DHX15: variants seen among roughly 807,000 people sequenced by gnomAD.
DHX15 encodes the protein DEAH-box helicase 15, also known as ATP-dependent RNA helicase DHX15.
DHX15 carries 11 observed loss-of-function variants against 94.4 expected under a neutral mutation model. The observed-to-expected ratio is 0.12, with a 90% confidence interval of 0.07 to 0.19. The LOEUF is 0.19. Among genes scored for constraint, DHX15 ranks in the 10% least tolerant of loss-of-function variants. The pLI is 1.00. For missense variants in DHX15, 304 were observed against 988.5 expected (o/e 0.31, Z 9.29); for synonymous variants, 338 against 329.9 (o/e 1.02, Z -0.27).
intron 6 of DHX15, among the ~76,000 whole-genome samples, chr4:24,547,949 C>A (rs200078187): frequency 0.011 from 983 of 90,688 alleles, 14 homozygotes; most frequent in African/African-American, 0.023. Flanking sequence ...ATATCTATAT[C>A]TATATCTATA....
intron 1 of DHX15, among the ~76,000 whole-genome samples, chr4:24,582,008 T>C (rs1722427052): frequency 6.6e-6 from 1 of 152,142 alleles, no homozygotes; most frequent in Non-Finnish European, 1.5e-5. Context: ...AAACCCTATC[T>C]GGCAGTGGAG....
chr4:24,547,875 C>G (rs1276044103), intron 6 of DHX15, among the ~76,000 whole-genome samples: 1 of 86,928 alleles, frequency 1.2e-5, no homozygotes, highest in Non-Finnish European at 2.5e-5. Context: ...CTCTCTCTCT[C>G]TCTCTCTCTC....
intron 3 of DHX15, among the ~76,000 whole-genome samples, chr4:24,559,653 C>A (rs1160379927): frequency 6.6e-6 from 1 of 152,070 alleles, no homozygotes; most frequent in East Asian, 1.9e-4. Flanking sequence ...AATAAAAGTG[C>A]CACAGGATAG....
intron 3 of DHX15, among the ~76,000 whole-genome samples, chr4:24,565,822 C>T (rs372357729): frequency 6.6e-5 from 10 of 152,246 alleles, no homozygotes; most frequent in Non-Finnish European, 1.0e-4. Context: ...CCATAAATGA[C>T]GAAGAGTTGT....
At chr4:24,551,325 C>A (rs1721599944) in intron 5 of DHX15, among the ~76,000 whole-genome samples, 1 of 151,966 alleles carries the variant, frequency 6.6e-6, no homozygotes, top group Non-Finnish European at 1.5e-5. Flanking sequence ...TTTCAAAGGA[C>A]AATGATACTA....
rs1454817056 is a variant in DHX15, at chr4:24,584,242, G to C, written c.71+81C>G. ...AAGGCTCGGGCTCCAGGACCCGCTC[G>C]GCCAGGCCAGCCCCGGCCCGCTCCC... On this transcript the variant is annotated intron_variant, in intron 1 of 13. Coordinates refer to ENST00000336812, the MANE Select transcript of DHX15 (RefSeq NM_001358.3). 7.1e-6 allele frequency: 10 copies of C among 1,409,304 alleles called. No homozygotes were observed. In the East Asian group the frequency reaches 1.0e-4, roughly 14 times the overall value. The allele number at this position is 1,409,304 out of a possible 1,614,324, so 87.3% of individuals were successfully genotyped here. A position where few individuals can be genotyped will look rare whatever the true frequency, so the allele number is the denominator to read the frequency against.
At chr4:24,529,545 G>C in intron 13 of DHX15, 56 bp downstream of exon 13, 3 of 1,500,822 alleles carry the variant, frequency 2.0e-6, no homozygotes, top group African/African-American at 1.4e-5. Flanking sequence ...CAACAGTCAG[G>C]TTCCATTTTG....
intron 12 of DHX15, 117 bp from the exon 13 acceptor site, chr4:24,529,887 C>G (rs1721037921): frequency 1.9e-6 from 2 of 1,040,010 alleles, no homozygotes; most frequent in Non-Finnish European, 2.9e-6. Flanking sequence ...TATGGCTATA[C>G]TTATTTATCA....
intron 6 of DHX15, among the ~76,000 whole-genome samples, chr4:24,547,943 C>CTATATCTA (rs201938139): frequency 2.8e-5 from 2 of 72,156 alleles, no homozygotes; most frequent in African/African-American, 5.5e-5. Context: ...ATATATATAT[C>CTATATCTA]TATATCTATA....
At chr4:24,574,205 CAAAAAAAAAAAAA>C (rs61031930) in intron 2 of DHX15, among the ~76,000 whole-genome samples, 7 of 68,876 alleles carry the variant, frequency 1.0e-4, no homozygotes, top group Non-Finnish European at 1.7e-4. Flanking sequence ...GACTTTGTCT[CAAAAAAAAAAAAA>C]AAAAAAAAAA....
intron 11 of DHX15, chr4:24,533,558 TGAAACAGAA>T (rs1486639650): frequency 6.4e-6 from 1 of 157,382 alleles, no homozygotes; most frequent in African/African-American, 2.4e-5. Context: ...GAGCAAGTCC[TGAAACAGAA>T]GAAAGTTTAC....
chr4:24,565,082 A>G (rs986271970), intron 3 of DHX15, among the ~76,000 whole-genome samples: 19 of 152,226 alleles, frequency 1.2e-4, no homozygotes, highest in African/African-American at 4.3e-4. Context: ...AATTTTCACA[A>G]GTTTTAAAGG....
intron 6 of DHX15, among the ~76,000 whole-genome samples, chr4:24,548,140 CT>C (rs71196189): frequency 0.029 from 3,180 of 108,120 alleles, 77 homozygotes; most frequent in African/African-American, 0.097. Context: ...ATCAGTGCTA[CT>C]TTTTTTTTTT....
intron 4 of DHX15, among the ~76,000 whole-genome samples, chr4:24,555,806 G>C (rs1247937151): frequency 1.3e-5 from 2 of 152,134 alleles, no homozygotes; most frequent in Non-Finnish European, 2.9e-5. Context: ...TAATACACGA[G>C]GGTAAGTGAC....
intron 5 of DHX15, among the ~76,000 whole-genome samples, chr4:24,551,747 A>T (rs1310765126): frequency 4.6e-5 from 7 of 152,254 alleles, no homozygotes. Flanking sequence ...TAAAACTAGG[A>T]TTCCAACATT....
At chr4:24,554,419 G>A (rs1721679589) in intron 5 of DHX15, among the ~76,000 whole-genome samples, 1 of 152,190 alleles carries the variant, frequency 6.6e-6, no homozygotes, top group Admixed American at 6.5e-5. Flanking sequence ...AAGCAGCTGT[G>A]ATGCACATTC....
intron 2 of DHX15, among the ~76,000 whole-genome samples, chr4:24,571,692 A>G (rs1003485620): frequency 5.3e-5 from 8 of 152,216 alleles, no homozygotes; most frequent in African/African-American, 1.4e-4. Context: ...CCAAACGCCT[A>G]TCAAACTCTA....
rs1328078634 is a variant in DHX15 at position 24,537,889 on chromosome 4, T to C, written c.1787-716A>G. ...AAGGATTAGAAAATAAAGTCCCAAA[T>C]TTAAAAAAGAAAAAAAACAAACTTA... On this transcript the variant is annotated intron_variant, in intron 10 of 13. Coordinates refer to ENST00000336812, the MANE Select transcript of DHX15 (RefSeq NM_001358.3). This position sits in a 1 kb window ranked among gnomAD's most constrained non-coding sequence, Gnocchi z 4.7. 1 of 151,998 alleles carries C rather than the reference T, an allele frequency of 6.6e-6. No individual in the cohort carries two copies. The highest frequency in any genetic ancestry group is 1.5e-5 in the Non-Finnish European group (1 of 67,988). The allele number at this position is 151,998 out of a possible 1,614,324, so 9.4% of individuals were successfully genotyped here. A position where few individuals can be genotyped will look rare whatever the true frequency, so the allele number is the denominator to read the frequency against.
chr4:24,584,310 C>T lies in DHX15; in HGVS notation c.71+13G>A. 6.2e-7 allele frequency: 1 copy of T among 1,609,288 alleles called. No individual in the cohort carries two copies. Among genetic ancestry groups the T allele is most frequent in the South Asian group, 1.1e-5 (1 of 90,324 alleles). On this transcript the variant is annotated intron_variant, in intron 1 of 13. Transcript: ENST00000336812. ...AGCCCGAGCTGCCGCCTCGCGCCCC[C>T]GGCCTGGCTTACCCATCGGTCCCCG...
Sources: allele counts gnomAD v4.1 joint callset (sites outside exome capture counted in the v4.1 genomes callset), GRCh38; gene constraint gnomAD v4.1.1; non-coding constraint Gnocchi (gnomAD v3.1); transcripts MANE v1.5; gene names NCBI Gene and HGNC (gene_info 2026-07-23, HGNC 2026-07-21).